The following RBFOX3 variants were observed in gnomAD, a reference collection of about 807,000 sequenced individuals.
RBFOX3 encodes RNA binding protein fox-1 homolog 3.
A neutral mutation model predicts 48.7 loss-of-function variants in RBFOX3; 17 were observed. The ratio of observed to expected loss-of-function variants is 0.35; its 90% CI spans 0.24 to 0.52. RBFOX3 has a LOEUF of 0.52. RBFOX3 is among the 20% of genes least tolerant of loss of function. The pLI is 0.94. For missense variants in RBFOX3, 382 were observed against 497.5 expected, an observed-to-expected ratio of 0.77 and a Z score of 2.21; for synonymous variants, 212 against 209.5, an observed-to-expected ratio of 1.01 and a Z score of -0.10.
At chr17:79,591,016 G>A (rs12940503) in intron 1 of RBFOX3, among the ~76,000 whole-genome samples, 33,477 of 152,180 alleles carry the variant, frequency 0.22, 3,957 homozygotes, top group Middle Eastern at 0.33. Flanking sequence ...CCCAGCCCTC[G>A]GAGGGACGAG....
chr17:79,163,565 G>C (rs1792355222), intron 4 of RBFOX3, among the ~76,000 whole-genome samples: 1 of 152,228 alleles, frequency 6.6e-6, no homozygotes, highest in African/African-American at 2.4e-5. Flanking sequence ...CCCAGAGCTG[G>C]AGGGCAGGAT....
At chr17:79,273,458 G>A (rs1385192871) in intron 3 of RBFOX3, among the ~76,000 whole-genome samples, 1 of 151,998 alleles carries the variant, frequency 6.6e-6, no homozygotes, top group African/African-American at 2.4e-5. Flanking sequence ...TGGAGGAGGT[G>A]TGCAGAGGCC....
At chr17:79,228,635 T>C (rs1311172551) in intron 4 of RBFOX3, among the ~76,000 whole-genome samples, 2 of 152,230 alleles carry the variant, frequency 1.3e-5, no homozygotes, top group Non-Finnish European at 2.9e-5. Flanking sequence ...GTTTGGGAGC[T>C]GATTTGCCAA....
At chr17:79,608,538 C>A (rs2093890067) in intron 1 of RBFOX3, among the ~76,000 whole-genome samples, 2 of 152,218 alleles carry the variant, frequency 1.3e-5, no homozygotes, top group Non-Finnish European at 2.9e-5. Flanking sequence ...CCCGGCCGTG[C>A]AAGCGCAAAC....
At chr17:79,147,992 C>T (rs573279208) in intron 4 of RBFOX3, among the ~76,000 whole-genome samples, 2 of 152,302 alleles carry the variant, frequency 1.3e-5, no homozygotes, top group African/African-American at 4.8e-5. Flanking sequence ...ACCATCCATC[C>T]AGAGCCGCCG....
At chr17:79,487,606 G>A (rs1371521213) in intron 1 of RBFOX3, among the ~76,000 whole-genome samples, 1 of 152,112 alleles carries the variant, frequency 6.6e-6, no homozygotes, top group Non-Finnish European at 1.5e-5. Flanking sequence ...CTGCAAAGAA[G>A]GAAGTCAATC....
chr17:79,654,119 G>A, the RBFOX3 span, among the ~76,000 whole-genome samples: 1 of 152,202 alleles, frequency 6.6e-6, no homozygotes, highest in East Asian at 1.9e-4. Context: ...AGAGGGAATT[G>A]TGGACGTATA....
intron 1 of RBFOX3, among the ~76,000 whole-genome samples, chr17:79,506,693 G>T (rs2149793427): frequency 6.6e-6 from 1 of 152,328 alleles, no homozygotes; most frequent in East Asian, 1.9e-4. Flanking sequence ...TGTTCTGTTT[G>T]TCAGAGGTTG....
chr17:79,095,694 T>C, intron 12 of RBFOX3, 120 bp from the exon 13 acceptor site: 1 of 818,910 alleles, frequency 1.2e-6, no homozygotes, highest in Non-Finnish European at 1.9e-6. Flanking sequence ...ACTACAGACC[T>C]TCCCAGCCTC....
rs561494933 is a variant in RBFOX3 at position 79,265,857 on chromosome 17, A to G, written c.-73-30052T>C. On this transcript the variant is annotated intron_variant, in intron 3 of 14. Transcript: ENST00000693108. ...TCGTGTCTACCGCCAGCTCCAGGTG[A>G]CTTTGGACAGGTGGCTCAGAACTGG... Among the ~76,000 whole-genome samples, 23 of 152,242 alleles carry G rather than the reference A, an allele frequency of 1.5e-4. 1 individual carries two copies. The South Asian group carries it at 4.8e-3, about 32-fold the overall frequency.
At chr17:79,152,924 G>T (rs528932155) in intron 4 of RBFOX3, among the ~76,000 whole-genome samples, 2 of 152,330 alleles carry the variant, frequency 1.3e-5, no homozygotes, top group East Asian at 3.9e-4. Flanking sequence ...TCCTGTGCTG[G>T]GGGTGTTTCC....
rs966281957 is a variant in RBFOX3 at position 79,390,117 on chromosome 17, G to A, written c.-174-82293C>T. Among the ~76,000 whole-genome samples, 10 of 152,002 alleles carry A rather than the reference G, an allele frequency of 6.6e-5. No homozygotes were observed. The highest frequency in any genetic ancestry group is 6.6e-5 in the Admixed American group (1 of 15,266). ...TCCGGGTCTCCGTAGCCAGCCACCC[G>A]GCCGAGGGGCTGGGTCCACAGAGGA... On this transcript the variant is annotated intron_variant, in intron 2 of 14. Transcript: ENST00000693108. This position sits in a 1 kb window ranked among gnomAD's most constrained non-coding sequence, Gnocchi z 4.2.
At chr17:79,323,959 A>G (rs187994479) in intron 2 of RBFOX3, among the ~76,000 whole-genome samples, 2 of 152,336 alleles carry the variant, frequency 1.3e-5, no homozygotes, top group African/African-American at 4.8e-5. Flanking sequence ...GCCCATTTCT[A>G]GGAGGAACAG....
chr17:79,129,553 G>C (rs1425014415), intron 4 of RBFOX3, among the ~76,000 whole-genome samples: 1 of 152,200 alleles, frequency 6.6e-6, no homozygotes, highest in Non-Finnish European at 1.5e-5. Flanking sequence ...TGACCAACCA[G>C]GGTTTCCTGA....
At chr17:79,511,596 G>C (rs1291709694) in intron 1 of RBFOX3, among the ~76,000 whole-genome samples, 1 of 152,142 alleles carries the variant, frequency 6.6e-6, no homozygotes, top group Non-Finnish European at 1.5e-5. Flanking sequence ...TGTCAGGTGA[G>C]AATTTATCTG....
rs1159667597 is a variant in RBFOX3, at chr17:79,097,443, G to A, written c.623-19C>T. The A allele has an allele frequency of 5.2e-6, 8 of 1,534,396 alleles. No homozygotes were observed. Among genetic ancestry groups the A allele is most frequent in the East Asian group, 2.5e-5 (1 of 40,610 alleles). ...CCCGTCACTGCAGGAAACGGGGCCCGAGACACGTGTGAGAGGCACAAGGGG... is the reference window on the plus strand; with the variant it reads ...CCCGTCACTGCAGGAAACGGGGCCCAAGACACGTGTGAGAGGCACAAGGGG... On this transcript the variant is annotated intron_variant, in intron 10 of 14. Coordinates refer to ENST00000693108, the MANE Select transcript of RBFOX3 (RefSeq NM_001350451.2).
At chr17:79,419,563 G>A (rs1018479315) in intron 2 of RBFOX3, among the ~76,000 whole-genome samples, 2 of 152,230 alleles carry the variant, frequency 1.3e-5, no homozygotes, top group African/African-American at 4.8e-5. Context: ...AACGCCTGCA[G>A]CTCTGCCACT....
intron 2 of RBFOX3, among the ~76,000 whole-genome samples, chr17:79,313,735 G>A (rs1445739509): frequency 6.6e-6 from 1 of 152,112 alleles, no homozygotes; most frequent in African/African-American, 2.4e-5. Context: ...CTTCAGCCCC[G>A]ACCTCCCAGC....
intron 5 of RBFOX3, among the ~76,000 whole-genome samples, chr17:79,107,682 G>A (rs1372704509): frequency 5.3e-5 from 8 of 152,256 alleles, no homozygotes; most frequent in Admixed American, 2.6e-4. Context: ...ATGCACGGGT[G>A]ACTGTCCGAG....
Sources: gnomAD v4.1 joint callset for allele counts (sites outside exome capture counted in the v4.1 genomes callset) on GRCh38, gnomAD v4.1.1 for gene constraint, Gnocchi (gnomAD v3.1) non-coding constraint, MANE v1.5 for transcripts, NCBI Gene and HGNC (gene_info 2026-07-23, HGNC 2026-07-21) for gene names.